The following ZNF550 variants were observed in gnomAD, a reference collection of about 807,000 sequenced individuals.
ZNF550 encodes zinc finger protein 550.
ZNF550 carries 42 observed loss-of-function variants against 40.2 expected under a neutral mutation model. The ratio of observed to expected loss-of-function variants is 1.05; its 90% confidence interval spans 0.82 to 1.35. The LOEUF (loss-of-function observed/expected upper bound fraction) is 1.35. Among genes scored for constraint, ZNF550 ranks in the 40% most tolerant of loss-of-function variants. ZNF550 has a pLI of 0.00. For missense variants in ZNF550, 549 were observed against 525.2 expected (o/e 1.05, Z -0.44); for synonymous variants, 223 against 198.6 (o/e 1.12, Z -1.03).
exon 4 of ZNF550, chr19:57,546,956 T>C (rs188119870): frequency 4.6e-4 from 723 of 1,588,152 alleles, no homozygotes; most frequent in Admixed American, 8.1e-4. Flanking sequence ...GCTGTATTCA[T>C]TGCAGCAATA....
At chr19:57,557,920 T>C (rs1248107899) in intron 1 of ZNF550, among the ~76,000 whole-genome samples, 1 of 152,224 alleles carries the variant, frequency 6.6e-6, no homozygotes, top group Non-Finnish European at 1.5e-5. Context: ...ACAGAAAATG[T>C]TCACTTAGGC....
At chr19:57,559,795 GCA>G in exon 1 of ZNF550, 1 of 993,950 alleles carries the variant, frequency 1.0e-6, no homozygotes, top group Non-Finnish European at 1.3e-6. Context: ...ATCCTTCCCA[GCA>G]CAGTTCTGAG....
At chr19:57,559,738 A>T (rs2090154608) in exon 1 of ZNF550, 2 of 1,411,264 alleles carry the variant, frequency 1.4e-6, no homozygotes, top group South Asian at 2.8e-5. Context: ...TCAAAACCCT[A>T]CCCCGGGTCC....
chr19:57,552,471 C>G, intron 3 of ZNF550, 156 bp downstream of exon 3: 1 of 597,988 alleles, frequency 1.7e-6, no homozygotes, highest in South Asian at 2.2e-5. Flanking sequence ...TCAGTGCTCA[C>G]CTGATGATGG....
chr19:57,552,588 A>C (rs2090082050), intron 3 of ZNF550, 39 bp downstream of exon 3: 1 of 1,480,062 alleles, frequency 6.8e-7, no homozygotes, highest in Admixed American at 1.8e-5. Flanking sequence ...TTATCTGAAG[A>C]CTGCCATGAC....
chr19:57,542,551 A>G (rs2089970075), exon 5 of ZNF550: 1 of 152,112 alleles, frequency 6.6e-6, no homozygotes, highest in South Asian at 2.1e-4. Context: ...AGGTAAGCCC[A>G]TGAAATATAG....
At chr19:57,559,799 A>T in exon 1 of ZNF550, 1 of 929,922 alleles carries the variant, frequency 1.1e-6, no homozygotes, top group South Asian at 3.5e-5. Context: ...TTCCCAGCAC[A>T]GTTCTGAGAG....
chr19:57,543,968 C>CA, intron 4 of ZNF550: 1 of 985,234 alleles, frequency 1.0e-6, no homozygotes, highest in Non-Finnish European at 1.2e-6. Flanking sequence ...TGTTTTACCT[C>CA]AATCATAAAC....
Position 57,547,686 on chromosome 19 carries a change from G to C in ZNF550, c.558C>G (p.Asp186Glu), listed in dbSNP as rs773152173. ...AGGCGTCTTTCCCTGGTTGCTGTGA[G>C]TCACATTCATGGAGAACATCTGCTG... Residue 186 changes from aspartate to glutamate, a missense_variant, in exon 4 of 5, where the codon GAC (aspartate) becomes GAG (glutamate). Asp to Glu is a conservative substitution (Grantham distance 45). Coordinates refer to ENST00000457177, the Ensembl canonical transcript of ZNF550. 6 of 1,614,192 alleles carry C rather than the reference G, an allele frequency of 3.7e-6. No homozygotes were observed. The South Asian group carries it at 6.6e-5, about 18-fold the overall frequency.
At chr19:57,559,510 CCCG>C (rs1555795579) in intron 1 of ZNF550, 143 bp downstream of exon 1, 1 of 761,578 alleles carries the variant, frequency 1.3e-6, no homozygotes, top group Non-Finnish European at 1.8e-6. Flanking sequence ...GCATTCCGGA[CCCG>C]GGACCGCGCG....
chr19:57,547,479 C>G, exon 4 of ZNF550: 2 of 1,614,060 alleles, frequency 1.2e-6, no homozygotes, highest in South Asian at 1.1e-5. Flanking sequence ...ATGGTTTCTC[C>G]CCGGTGTGGA....
intron 3 of ZNF550, among the ~76,000 whole-genome samples, chr19:57,551,727 C>A (rs1018619756): frequency 2.0e-5 from 3 of 152,112 alleles, no homozygotes; most frequent in African/African-American, 7.2e-5. Flanking sequence ...ATGGGGCTGG[C>A]CAAGAAGCCC....
chr19:57,556,037 C>G, intron 2 of ZNF550, 194 bp downstream of exon 2: 1 of 617,012 alleles, frequency 1.6e-6, no homozygotes. Flanking sequence ...ATGGGCTGAG[C>G]ACTGGAGTGA....
At chr19:57,544,499 G>C in intron 4 of ZNF550, 10 of 985,406 alleles carry the variant, frequency 1.0e-5, no homozygotes, top group Non-Finnish European at 1.2e-5. Context: ...AATACATGCA[G>C]CCTTCCAGAG....
At chr19:57,545,781 G>C (rs2090003431) in intron 4 of ZNF550, among the ~76,000 whole-genome samples, 1 of 152,190 alleles carries the variant, frequency 6.6e-6, no homozygotes, top group Non-Finnish European at 1.5e-5. Flanking sequence ...GGGAGGCCAA[G>C]GCAGGTGGAC....
chr19:57,547,708 G>C, exon 4 of ZNF550: 1 of 1,614,176 alleles, frequency 6.2e-7, no homozygotes, highest in East Asian at 2.2e-5. Flanking sequence ...GAGAACATCT[G>C]CTGATAACCA....
At chr19:57,560,139 G>C (rs973093240), upstream of ZNF550, among the ~76,000 whole-genome samples, 1 of 152,156 alleles carries the variant, frequency 6.6e-6, no homozygotes, top group East Asian at 1.9e-4. Flanking sequence ...TTGATAAAGG[G>C]GGCCCTGCCA....
intron 3 of ZNF550, among the ~76,000 whole-genome samples, chr19:57,550,042 G>A (rs374319717): frequency 4.6e-5 from 7 of 152,252 alleles, no homozygotes; most frequent in Admixed American, 2.6e-4. Flanking sequence ...TTAAATTGTG[G>A]GACATTACCC....
intron 3 of ZNF550, among the ~76,000 whole-genome samples, chr19:57,548,361 G>A (rs2090043273): frequency 6.6e-6 from 1 of 152,094 alleles, no homozygotes. Context: ...TATATAAGGA[G>A]CTTAAACCAC....
Sources: gnomAD v4.1 joint callset for allele counts (sites outside exome capture counted in the v4.1 genomes callset) on GRCh38, gnomAD v4.1.1 for gene constraint, MANE v1.5 for transcripts, NCBI Gene and HGNC (gene_info 2026-07-23, HGNC 2026-07-21) for gene names.